Variants in RBM26 observed in about 807,000 individuals in gnomAD.
The protein encoded by RBM26 is RNA binding motif protein 26, also known as RNA-binding protein 26.
RBM26 carries 30 observed loss-of-function variants against 123.6 expected under a neutral mutation model. That is an observed-to-expected ratio of 0.24 (90% CI 0.18 to 0.33). RBM26 has a LOEUF of 0.33. Among genes scored for constraint, RBM26 ranks in the 10% least tolerant of loss-of-function variants. RBM26 has a pLI of 1.00. For synonymous variants in RBM26, 400 were observed against 404.4 expected (o/e 0.99, Z 0.13); for missense variants, 947 against 1,203.6 (o/e 0.79, Z 3.15).
intron 1 of RBM26, among the ~76,000 whole-genome samples, chr13:79,379,501 T>C (rs1190608403): frequency 1.3e-5 from 2 of 151,512 alleles, no homozygotes; most frequent in Non-Finnish European, 2.9e-5. Context: ...TGGGATCACG[T>C]CACTGCATTC....
Position 79,344,671 on chromosome 13 carries a change from G to GTT in RBM26, c.2180_2181dup (p.Gln728AsnfsTer5). The GTT allele has an allele frequency of 6.4e-7, 1 of 1,554,604 alleles. No homozygotes were observed. The highest frequency in any genetic ancestry group is 8.8e-7 in the Non-Finnish European group (1 of 1,136,636). On this transcript the variant is annotated frameshift_variant, in exon 15 of 22. Coordinates refer to ENST00000438737, the MANE Select transcript of RBM26 (RefSeq NM_001366735.2). LOFTEE classifies it high-confidence loss of function. ...TATACTATACCAGTTGTACTTACCT[G>GTT]TTTTTTTTTCTGTGCTTCATTATTA...
intron 17 of RBM26, 57 bp downstream of exon 17, chr13:79,342,607 T>C: frequency 7.4e-7 from 1 of 1,344,742 alleles, no homozygotes; most frequent in Non-Finnish European, 1.0e-6. Flanking sequence ...ATCTTAAAAA[T>C]GTAGTGTCTA....
chr13:79,320,834 A>G, intron 21 of RBM26, 124 bp from the exon 22 acceptor site: 2 of 1,108,368 alleles, frequency 1.8e-6, no homozygotes, highest in Non-Finnish European at 2.4e-6. Context: ...TTTTATAGCT[A>G]GAACATTCAC....
At chr13:79,344,108 T>C (rs1336213257) in intron 16 of RBM26, 140 bp downstream of exon 16, 3 of 689,556 alleles carry the variant, frequency 4.4e-6, no homozygotes, top group Non-Finnish European at 7.9e-6. Context: ...ATGCTCTTCA[T>C]CTCCAATATT....
In RBM26 at chr13:79,343,170, A is replaced by T. The variant is rs1594122354; in HGVS notation, c.2260-339T>A. Among the ~76,000 whole-genome samples the T allele has an allele frequency of 4.6e-5, 7 of 151,956 alleles. No individual in the cohort carries two copies. The East Asian group carries it at 1.3e-3, about 29-fold the overall frequency. ...AATATATTAACAATTTTACTTTCTA[A>T]TCCATTTGTTGATGTTACGCCTCTA... On this transcript the variant is annotated intron_variant, in intron 16 of 21. Transcript: ENST00000438737.
chr13:79,389,457 G>A (rs1287119186), intron 1 of RBM26: 1 of 151,636 alleles, frequency 6.6e-6, no homozygotes, highest in Non-Finnish European at 1.5e-5. Flanking sequence ...AAAGAAACGG[G>A]AAAAAAAATA....
At chr13:79,395,525 A>C (rs1438718065) in intron 1 of RBM26, among the ~76,000 whole-genome samples, 1 of 152,168 alleles carries the variant, frequency 6.6e-6, no homozygotes, top group Non-Finnish European at 1.5e-5. Flanking sequence ...GGATTACTTG[A>C]CACCAGAAGT....
chr13:79,351,718 C>T (rs2073261586), intron 14 of RBM26, among the ~76,000 whole-genome samples: 1 of 152,038 alleles, frequency 6.6e-6, no homozygotes, highest in Admixed American at 6.6e-5. Flanking sequence ...GGTAAAAAGA[C>T]TAGAGCAGAA....
At chr13:79,380,659 C>T (rs2077005707) in intron 1 of RBM26, among the ~76,000 whole-genome samples, 1 of 151,984 alleles carries the variant, frequency 6.6e-6, no homozygotes, top group African/African-American at 2.4e-5. Context: ...TCTCTTCTAG[C>T]TATCTGAAAA....
At chr13:79,380,991 AATT>A (rs2077030911) in intron 1 of RBM26, among the ~76,000 whole-genome samples, 1 of 152,110 alleles carries the variant, frequency 6.6e-6, no homozygotes, top group Non-Finnish European at 1.5e-5. Context: ...ACTAAGCTAA[AATT>A]ATTAAGATTT....
chr13:79,378,948 G>A, intron 1 of RBM26, 41 bp from the exon 2 acceptor site: 1 of 1,196,668 alleles, frequency 8.4e-7, no homozygotes, highest in Non-Finnish European at 1.2e-6. Context: ...TTAGCCAACT[G>A]CACATTCTAC....
Position 79,337,260 on chromosome 13 carries a change from T to C in RBM26, c.2575A>G (p.Ile859Val). Residue 859 changes from isoleucine (I) to valine (V), a missense_variant, in exon 19 of 22, where the codon ATT (isoleucine) becomes GTT (valine). By Grantham distance (29) the Ile-to-Val change is conservative (BLOSUM62 3). Around this residue, in one of 5 missense-constraint regions of RBM26, gnomAD observed 164 missense variants for 215.3 expected, o/e 0.76. Transcript: ENST00000438737. ...GILSSGRGRG[I>V]HSRGRGAVHG... ...ACTGCACCTCGACCTCTTGAATGAA[T>C]TCCTCTGCCCCGACCAGATGAAAGA... 1.2e-6 allele frequency: 2 copies of C among 1,614,146 alleles called. No homozygotes were observed. The highest frequency in any genetic ancestry group is 1.7e-6 in the Non-Finnish European group (2 of 1,180,004).
At chr13:79,321,199 C>T (rs1286239556) in intron 21 of RBM26, among the ~76,000 whole-genome samples, 1 of 151,322 alleles carries the variant, frequency 6.6e-6, no homozygotes, top group Non-Finnish European at 1.5e-5. Context: ...TTCATAAACA[C>T]TTCTCAGACT....
intron 1 of RBM26, among the ~76,000 whole-genome samples, chr13:79,390,665 C>A (rs759573906): frequency 2.0e-5 from 3 of 152,104 alleles, no homozygotes; most frequent in Admixed American, 6.5e-5. Flanking sequence ...CTGACATCTG[C>A]GATTTACTCT....
At chr13:79,322,043 T>A (rs1178868239) in intron 21 of RBM26, among the ~76,000 whole-genome samples, 1 of 151,512 alleles carries the variant, frequency 6.6e-6, no homozygotes, top group African/African-American at 2.4e-5. Context: ...GAATAGATTA[T>A]CCTAAAACTT....
chr13:79,366,914 G>A, intron 6 of RBM26, 42 bp from the exon 7 acceptor site: 13 of 1,444,976 alleles, frequency 9.0e-6, no homozygotes, highest in East Asian at 7.6e-5. Context: ...CAAAAGCACT[G>A]GAAATATATA....
intron 3 of RBM26, chr13:79,376,875 C>A (rs915217744): frequency 6.6e-6 from 1 of 152,520 alleles, no homozygotes; most frequent in African/African-American, 2.4e-5. Flanking sequence ...GTTCCCATTA[C>A]CCCCTGATAA....
In RBM26 at chr13:79,405,860, G is replaced by GTGGA; in HGVS notation, c.-87_-86insTCCA. ...CGCCGCTGCCCCCGCCCCCTCCTCCGCGCGCCGCCCGCGTGGGCCGCGGTG... is the reference window on the plus strand; with the variant it reads ...CGCCGCTGCCCCCGCCCCCTCCTCCGTGGACGCGCCGCCCGCGTGGGCCGCGGTG... On this transcript the variant is annotated 5_prime_UTR_variant, in exon 1 of 22. Transcript: ENST00000438737. The GTGGA allele has an allele frequency of 1.3e-6, 1 of 796,116 alleles. No individual in the cohort carries two copies. The highest frequency in any genetic ancestry group is 1.7e-6 in the Non-Finnish European group (1 of 580,172). The allele number at this position is 796,116 out of a possible 1,614,324, so 49.3% of individuals were successfully genotyped here.
chr13:79,337,033 T>C (rs1318338139), intron 19 of RBM26, 69 bp downstream of exon 19: 3 of 1,384,468 alleles, frequency 2.2e-6, no homozygotes, highest in Non-Finnish European at 3.0e-6. Flanking sequence ...CATAACTTCC[T>C]CTTTAATTAT....
Sources: gnomAD v4.1 joint callset for allele counts (sites outside exome capture counted in the v4.1 genomes callset) on GRCh38, gnomAD v4.1.1 for gene constraint, gnomAD v4.1.1 regional missense constraint, MANE v1.5 for transcripts, NCBI Gene and HGNC (gene_info 2026-07-23, HGNC 2026-07-21) for gene names.